Variants in GRIK3 observed in about 807,000 individuals in gnomAD.
GRIK3 encodes the protein glutamate ionotropic receptor kainate type subunit 3.
GRIK3 carries 29 observed loss-of-function variants against 102.5 expected under a neutral mutation model. The ratio of observed to expected loss-of-function variants is 0.28; its 90% CI spans 0.21 to 0.39. The LOEUF is 0.39. Ranked by LOEUF, GRIK3 falls within the 10% of genes least tolerant of loss-of-function variation. The pLI is 1.00. For missense variants in GRIK3, 908 were observed against 1,252.4 expected (o/e 0.73, Z 4.15); for synonymous variants, 511 against 504.9 (o/e 1.01, Z -0.16).
chr1:36,923,483 T>C, intron 1 of GRIK3, among the ~76,000 whole-genome samples: 1 of 152,184 alleles, frequency 6.6e-6, no homozygotes, highest in Non-Finnish European at 1.5e-5. Context: ...CAGTGGGGGC[T>C]TAAGGCAGAA....
Position 36,858,988 on chromosome 1 carries a change from C to T in GRIK3, c.1104+120G>A. On this transcript the variant is annotated intron_variant, in intron 7 of 15. Coordinates refer to ENST00000373091, the MANE Select transcript of GRIK3 (RefSeq NM_000831.4). ...GAAACTGAGGCTCGGAGACATGAGG[C>T]AACTTGCCTGAGGTCACATGGATGA... 2.3e-6 allele frequency: 2 copies of T among 887,664 alleles called. 1 individual carries two copies. The highest frequency in any genetic ancestry group is 3.9e-5 in the South Asian group (2 of 51,844). 55.0% of individuals were successfully genotyped at this position (887,664 alleles called of 1,614,324 possible). A position where few individuals can be genotyped will look rare whatever the true frequency, so the allele number is the denominator to read the frequency against.
At chr1:36,831,016 A>T (rs1030196131) in intron 10 of GRIK3, among the ~76,000 whole-genome samples, 6 of 152,030 alleles carry the variant, frequency 3.9e-5, no homozygotes, top group Admixed American at 2.6e-4. Flanking sequence ...TGACACCTTC[A>T]TTTCTCATTT....
intron 2 of GRIK3, among the ~76,000 whole-genome samples, chr1:36,884,290 T>C (rs1332756637): frequency 1.3e-5 from 2 of 152,184 alleles, no homozygotes. Context: ...ACAGTGATAA[T>C]AAATGCTTTA....
intron 1 of GRIK3, among the ~76,000 whole-genome samples, chr1:36,968,779 T>C (rs1179475106): frequency 2.0e-5 from 3 of 152,218 alleles, no homozygotes; most frequent in African/African-American, 7.2e-5. Flanking sequence ...GTGGCTCCCA[T>C]TTCCCCAGCA....
intron 2 of GRIK3, among the ~76,000 whole-genome samples, chr1:36,881,532 C>T (rs944748336): frequency 2.6e-5 from 4 of 152,142 alleles, no homozygotes; most frequent in African/African-American, 9.7e-5. Flanking sequence ...CCCAATTCAT[C>T]AACAACTCCT....
intron 1 of GRIK3, among the ~76,000 whole-genome samples, chr1:36,924,948 A>G (rs1641511887): frequency 6.6e-6 from 1 of 152,172 alleles, no homozygotes; most frequent in Non-Finnish European, 1.5e-5. Context: ...TAATGGAATC[A>G]TGTGATATGT....
At chr1:37,006,711 G>A (rs190531457) in intron 1 of GRIK3, among the ~76,000 whole-genome samples, 171 of 152,340 alleles carry the variant, frequency 1.1e-3, no homozygotes, top group African/African-American at 4.0e-3. Flanking sequence ...ACCTGCGGGC[G>A]CCGCAGAGTG....
chr1:36,949,904 C>T (rs1305990865), intron 1 of GRIK3, among the ~76,000 whole-genome samples: 4 of 152,092 alleles, frequency 2.6e-5, no homozygotes, highest in Non-Finnish European at 5.9e-5. Flanking sequence ...CATATCACAA[C>T]CCCACTTTAC....
intron 1 of GRIK3, among the ~76,000 whole-genome samples, chr1:36,946,545 C>T (rs928617967): frequency 2.0e-5 from 3 of 152,220 alleles, no homozygotes; most frequent in African/African-American, 7.2e-5. Context: ...CACACACTCC[C>T]CTCTGAAGGT....
rs1342424017 is a variant in GRIK3, at chr1:36,850,720, G to A, written c.1213-296C>T. On this transcript the variant is annotated intron_variant, in intron 8 of 15. Transcript: ENST00000373091. This position sits in a 1 kb window ranked among gnomAD's most constrained non-coding sequence, Gnocchi z 4.0. ...AAATGCAGAGAGAGACAGCAAATGCGAAGGCAGCCCCAGGGGTCTCAGGGC... is the reference window on the plus strand; with the variant it reads ...AAATGCAGAGAGAGACAGCAAATGCAAAGGCAGCCCCAGGGGTCTCAGGGC... 1.3e-5 allele frequency among the ~76,000 whole-genome samples: 2 copies of A among 152,318 alleles called. No homozygotes were observed. The highest frequency in any genetic ancestry group is 2.4e-5 in the African/African-American group (1 of 41,576).
intron 12 of GRIK3, among the ~76,000 whole-genome samples, chr1:36,818,311 G>T (rs1642653383): frequency 6.6e-6 from 1 of 152,156 alleles, no homozygotes. Context: ...ACCGAACAAA[G>T]ACGATGGACA....
intron 1 of GRIK3, among the ~76,000 whole-genome samples, chr1:36,967,259 G>A (rs1387663168): frequency 1.3e-5 from 2 of 152,226 alleles, no homozygotes; most frequent in Non-Finnish European, 2.9e-5. Flanking sequence ...TTCACTGCAA[G>A]CTGAGACCAG....
At chr1:36,849,847 G>T in intron 9 of GRIK3, 1 of 156,330 alleles carries the variant, frequency 6.4e-6, no homozygotes, top group South Asian at 2.0e-4. Context: ...TGTGGCAGTG[G>T]CTGACGGCTC....
intron 1 of GRIK3, among the ~76,000 whole-genome samples, chr1:37,001,022 T>A (rs773578753): frequency 2.0e-5 from 3 of 152,164 alleles, no homozygotes; most frequent in Non-Finnish European, 4.4e-5. Flanking sequence ...ATGTAAAAGG[T>A]ATAAGATTTA....
chr1:36,955,588 GCACATGCACATACATTCACA>G, intron 1 of GRIK3, among the ~76,000 whole-genome samples: 1 of 152,108 alleles, frequency 6.6e-6, no homozygotes, highest in Non-Finnish European at 1.5e-5. Flanking sequence ...CAAACACAGG[GCACATGCACATACATTCACA>G]CACAAGCATA....
chr1:36,977,778 C>T (rs1642210205), intron 1 of GRIK3, among the ~76,000 whole-genome samples: 1 of 152,198 alleles, frequency 6.6e-6, no homozygotes, highest in Non-Finnish European at 1.5e-5. Context: ...CCAAGACCCA[C>T]CCACCCATTA....
intron 1 of GRIK3, among the ~76,000 whole-genome samples, chr1:36,995,756 G>A (rs1362586301): frequency 6.6e-6 from 1 of 152,178 alleles, no homozygotes; most frequent in Non-Finnish European, 1.5e-5. Context: ...AGTTCTCTGA[G>A]ATCCCCGTCT....
At position 36,823,893 on chromosome 1, in the gene GRIK3, C is replaced by T. The variant is rs537882824; in HGVS notation, c.1754+1710G>A. On this transcript the variant is annotated intron_variant, in intron 11 of 15. Coordinates refer to ENST00000373091, the MANE Select transcript of GRIK3 (RefSeq NM_000831.4). ...CAAAGAAAAGCTTTCTGATTCTGGGCAATGACTTAACCTCTCCAAGCCTCA... is the reference window on the plus strand; with the variant it reads ...CAAAGAAAAGCTTTCTGATTCTGGGTAATGACTTAACCTCTCCAAGCCTCA... 7.9e-5 allele frequency among the ~76,000 whole-genome samples: 12 copies of T among 152,312 alleles called. No individual in the cohort carries two copies. The East Asian group carries it at 2.3e-3, about 29-fold the overall frequency.
At chr1:36,945,428 C>T (rs554873523) in intron 1 of GRIK3, among the ~76,000 whole-genome samples, 2 of 152,290 alleles carry the variant, frequency 1.3e-5, no homozygotes, top group East Asian at 1.9e-4. Context: ...CTCTGGGTTT[C>T]GGCCAGGGAA....
Sources: gnomAD v4.1 joint callset for allele counts (sites outside exome capture counted in the v4.1 genomes callset) on GRCh38, gnomAD v4.1.1 for gene constraint, Gnocchi (gnomAD v3.1) non-coding constraint, MANE v1.5 for transcripts, NCBI Gene and HGNC (gene_info 2026-07-23, HGNC 2026-07-21) for gene names.